The following TMEM87A variants were observed in gnomAD, a reference collection of about 807,000 sequenced individuals.
TMEM87A encodes the protein transmembrane protein 87A, also known as Golgi-pH regulating cation channel.
A neutral mutation model predicts 90.0 loss-of-function variants in TMEM87A; 50 were observed. That is an observed-to-expected ratio of 0.56 (90% CI 0.44 to 0.70). TMEM87A has a LOEUF of 0.70. Ranked by LOEUF, TMEM87A falls within the 30% of genes least tolerant of loss-of-function variation. The pLI is 0.00. For synonymous variants in TMEM87A, 226 were observed against 226.7 expected, an observed-to-expected ratio of 1.00 and a Z score of 0.03; for missense variants, 577 against 660.5, an observed-to-expected ratio of 0.87 and a Z score of 1.39.
chr15:42,247,013 G>A (rs199686771), intron 6 of TMEM87A, among the ~76,000 whole-genome samples: 1 of 151,666 alleles, frequency 6.6e-6, no homozygotes, highest in East Asian at 1.9e-4. Flanking sequence ...GTATCTCATT[G>A]TGGTTTTGAT....
intron 19 of TMEM87A, among the ~76,000 whole-genome samples, chr15:42,212,019 A>G (rs2050298629): frequency 6.6e-6 from 1 of 152,166 alleles, no homozygotes. Flanking sequence ...ATCTTATGTA[A>G]ACAAATATTT....
At chr15:42,232,721 A>T (rs2050706624) in intron 11 of TMEM87A, among the ~76,000 whole-genome samples, 1 of 151,442 alleles carries the variant, frequency 6.6e-6, no homozygotes, top group Non-Finnish European at 1.5e-5. Context: ...TGACCTAGTG[A>T]TCCGCCTGCC....
At position 42,268,034 on chromosome 15, in the gene TMEM87A, T is replaced by C. The variant is rs1231204405; in HGVS notation, c.206-2A>G. 1 of 1,611,036 alleles carries C rather than the reference T, an allele frequency of 6.2e-7. No homozygotes were observed. Among genetic ancestry groups the C allele is most frequent in the Admixed American group, 1.7e-5 (1 of 59,794 alleles). The stretch of plus-strand genomic sequence containing the variant: ...ACAGGTCACAAGGTTCTCCATCAAC[T>C]ACAAAAGAAGAAATCTTTGTTAACA... On this transcript the variant is annotated splice_acceptor_variant, in intron 2 of 19. Transcript: ENST00000389834. LOFTEE classifies it high-confidence loss of function.
chr15:42,235,020 A>C (rs2620387), intron 10 of TMEM87A, among the ~76,000 whole-genome samples: 142,716 of 152,184 alleles, frequency 0.94, 67,379 homozygotes, highest in Non-Finnish European at 1. Context: ...GACCAAATCC[A>C]GTCTCATGAC....
At chr15:42,273,434 A>G (rs369094214), upstream of TMEM87A, 47 of 1,611,796 alleles carry the variant, frequency 2.9e-5, no homozygotes, top group Non-Finnish European at 3.6e-5. Context: ...AAAGCATTTC[A>G]CCCTCTTCCG....
At chr15:42,214,370 G>T (rs1488651362) in intron 19 of TMEM87A, among the ~76,000 whole-genome samples, 1 of 152,140 alleles carries the variant, frequency 6.6e-6, no homozygotes, top group East Asian at 1.9e-4. Context: ...CAAAGCCAAA[G>T]ACATGACAAG....
chr15:42,250,611 T>G (rs1007294537), intron 6 of TMEM87A, among the ~76,000 whole-genome samples: 3 of 151,974 alleles, frequency 2.0e-5, no homozygotes, highest in Admixed American at 2.0e-4. Context: ...GATTGTCTGT[T>G]AGTCTGATGG....
chr15:42,255,171 T>A (rs1406264886), intron 6 of TMEM87A, among the ~76,000 whole-genome samples: 1 of 152,016 alleles, frequency 6.6e-6, no homozygotes, highest in African/African-American at 2.4e-5. Flanking sequence ...TTTGCTCTTG[T>A]CGCCCAGGCT....
At chr15:42,217,915 T>C (rs1245768342) in intron 18 of TMEM87A, 82 bp from the exon 19 acceptor site, 1 of 1,366,346 alleles carries the variant, frequency 7.3e-7, no homozygotes, top group East Asian at 2.3e-5. Context: ...AATAATGCAA[T>C]TAAAAGCTTT....
At chr15:42,257,020 A>G (rs115690729) in intron 6 of TMEM87A, among the ~76,000 whole-genome samples, 2,163 of 152,308 alleles carry the variant, frequency 0.014, 49 homozygotes, top group African/African-American at 0.05. Context: ...GCCTGGCTTA[A>G]CGATAACTTT....
chr15:42,239,847 G>T, intron 7 of TMEM87A, 116 bp from the exon 8 acceptor site: 1 of 869,106 alleles, frequency 1.2e-6, no homozygotes, highest in Non-Finnish European at 2.0e-6. Context: ...TTACTTTTAG[G>T]CACTTCAATC....
chr15:42,257,900 G>C (rs1436262286), intron 6 of TMEM87A: 1 of 983,668 alleles, frequency 1.0e-6, no homozygotes. Flanking sequence ...TAATATGCAT[G>C]TGCTCTGTGT....
At chr15:42,254,355 A>G (rs1238470553) in intron 6 of TMEM87A, among the ~76,000 whole-genome samples, 1 of 152,266 alleles carries the variant, frequency 6.6e-6, no homozygotes, top group Admixed American at 6.5e-5. Context: ...ATGCTCCTTG[A>G]TAATTACCCA....
chr15:42,219,634 T>C lies in TMEM87A; in HGVS notation c.1486A>G (p.Lys496Glu). The change falls in exon 17 of 20, where the codon AAA (lysine) becomes GAA (glutamate). Residue 496 changes from lysine (K) to glutamate (E), a missense_variant. By Grantham distance (56) the Lys-to-Glu change is moderately conservative. Transcript: ENST00000389834. ...GGTTCTTGTTTGGTACTTCTCATTT[T>C]CATTCCTTCTGTAGAAGAAAATAAA... ...PMLKESFEGM[K>E]MRSTKQEPNG... The C allele has an allele frequency of 6.3e-7, 1 of 1,597,242 alleles. No homozygotes were observed. Among genetic ancestry groups the C allele is most frequent in the Non-Finnish European group, 8.5e-7 (1 of 1,169,624 alleles).
intron 15 of TMEM87A, among the ~76,000 whole-genome samples, chr15:42,223,759 T>A (rs1290577082): frequency 6.6e-6 from 1 of 152,006 alleles, no homozygotes; most frequent in African/African-American, 2.4e-5. Context: ...AATAAGCCAA[T>A]AAAAAATAAG....
At chr15:42,264,028 A>C in intron 4 of TMEM87A, 62 bp downstream of exon 4, 1 of 1,386,662 alleles carries the variant, frequency 7.2e-7, no homozygotes, top group Non-Finnish European at 1.0e-6. Context: ...GGATACAGCC[A>C]AAAATATATA....
intron 7 of TMEM87A, among the ~76,000 whole-genome samples, chr15:42,241,019 C>T (rs1194739383): frequency 2.6e-5 from 4 of 152,200 alleles, no homozygotes; most frequent in Non-Finnish European, 4.4e-5. Flanking sequence ...TTTATTGGAA[C>T]ACAGCCACAT....
chr15:42,265,858 A>G (rs983408195), intron 3 of TMEM87A, among the ~76,000 whole-genome samples: 1 of 152,136 alleles, frequency 6.6e-6, no homozygotes, highest in African/African-American at 2.4e-5. Context: ...TTTTACATTT[A>G]AGTCTTTAAT....
At chr15:42,269,796 C>T (rs962975843) in intron 2 of TMEM87A, among the ~76,000 whole-genome samples, 4 of 147,490 alleles carry the variant, frequency 2.7e-5, no homozygotes, top group African/African-American at 5.0e-5. Context: ...ATTAGCCGGG[C>T]GCGGTGGCGG....
Sources: gnomAD v4.1 joint callset for allele counts (sites outside exome capture counted in the v4.1 genomes callset) on GRCh38, gnomAD v4.1.1 for gene constraint, MANE v1.5 for transcripts, NCBI Gene and HGNC (gene_info 2026-07-23, HGNC 2026-07-21) for gene names.